STXBP6: variants seen among roughly 807,000 people sequenced by gnomAD.
The protein encoded by STXBP6 is syntaxin binding protein 6.
In STXBP6, 21 loss-of-function variants were observed where a neutral mutation model predicts 26.9. That is an observed-to-expected ratio of 0.78 (90% CI 0.55 to 1.12). The LOEUF (loss-of-function observed/expected upper bound fraction) is 1.12, where lower values mean the gene tolerates loss of function less well. STXBP6 is among the 50% of genes most tolerant of loss of function. STXBP6 has a pLI of 0.00. For synonymous variants in STXBP6, 97 were observed against 92.6 expected, an observed-to-expected ratio of 1.05 and a Z score of -0.27; for missense variants, 232 against 257.9, an observed-to-expected ratio of 0.90 and a Z score of 0.69.
At chr14:24,846,408 C>T (rs1429468659) in intron 4 of STXBP6, among the ~76,000 whole-genome samples, 1 of 152,140 alleles carries the variant, frequency 6.6e-6, no homozygotes, top group Non-Finnish European at 1.5e-5. Context: ...ACACGTTATG[C>T]CTTTGAGATC....
intron 1 of STXBP6, among the ~76,000 whole-genome samples, chr14:25,039,439 G>A (rs180725368): frequency 1.3e-5 from 2 of 152,114 alleles, no homozygotes; most frequent in Non-Finnish European, 2.9e-5. Flanking sequence ...CTCTCATTCT[G>A]TCTTCAGCTG....
At chr14:25,042,316 C>A (rs1358971417) in intron 1 of STXBP6, among the ~76,000 whole-genome samples, 4 of 152,158 alleles carry the variant, frequency 2.6e-5, no homozygotes, top group Non-Finnish European at 5.9e-5. Context: ...AGAAGGCAAG[C>A]CAGCCGGGAT....
At chr14:24,865,766 T>G in intron 2 of STXBP6, among the ~76,000 whole-genome samples, 1 of 152,068 alleles carries the variant, frequency 6.6e-6, no homozygotes. Flanking sequence ...GTACAACAAA[T>G]GTGGTATGAA....
chr14:25,046,503 C>T (rs1377149400), intron 1 of STXBP6, among the ~76,000 whole-genome samples: 3 of 152,082 alleles, frequency 2.0e-5, no homozygotes, highest in Non-Finnish European at 4.4e-5. Flanking sequence ...CACAAATGGA[C>T]AGCTGAGATA....
intron 4 of STXBP6, among the ~76,000 whole-genome samples, chr14:24,844,306 C>T (rs1469373565): frequency 6.6e-6 from 1 of 152,144 alleles, no homozygotes; most frequent in Non-Finnish European, 1.5e-5. Context: ...TACACCTGTA[C>T]ATGTAAGTAA....
In STXBP6 at chr14:24,849,820, C is replaced by T. The variant is rs80152284; in HGVS notation, c.451+6116G>A. 5.6e-3 allele frequency among the ~76,000 whole-genome samples: 853 copies of T among 152,238 alleles called. 22 individuals carry two copies. In the East Asian group the frequency reaches 0.067, roughly 12 times the overall value. ...ATGGTGGTGTTAATACAACTTATCTCTGTGAATTATAATCTCTAATATGTG... is the reference window on the plus strand; with the variant it reads ...ATGGTGGTGTTAATACAACTTATCTTTGTGAATTATAATCTCTAATATGTG... On this transcript the variant is annotated intron_variant, in intron 4 of 5. Transcript: ENST00000323944.
At chr14:24,930,290 T>C (rs903689133) in intron 2 of STXBP6, among the ~76,000 whole-genome samples, 2 of 152,260 alleles carry the variant, frequency 1.3e-5, no homozygotes, top group African/African-American at 4.8e-5. Flanking sequence ...TATTTGTCCA[T>C]TGAACTTTTA....
intron 2 of STXBP6, among the ~76,000 whole-genome samples, chr14:24,952,300 T>C (rs1653094902): frequency 6.7e-6 from 1 of 149,958 alleles, no homozygotes. Flanking sequence ...TCTTTATCCC[T>C]TAAAAAAAAA....
chr14:25,025,180 A>T (rs1368223991), intron 1 of STXBP6, among the ~76,000 whole-genome samples: 3 of 151,608 alleles, frequency 2.0e-5, no homozygotes, highest in South Asian at 2.1e-4. Context: ...TTTTTTTTTT[A>T]ATTTAAATCT....
intron 2 of STXBP6, among the ~76,000 whole-genome samples, chr14:24,899,553 G>T (rs1322054924): frequency 6.6e-6 from 1 of 151,980 alleles, no homozygotes; most frequent in Admixed American, 6.6e-5. Context: ...GGCTGAGGTG[G>T]GTGGATCACC....
At chr14:24,938,886 C>T (rs17109336) in intron 2 of STXBP6, among the ~76,000 whole-genome samples, 6,706 of 152,074 alleles carry the variant, frequency 0.044, 463 homozygotes, top group African/African-American at 0.15. Context: ...TCTATTAAAC[C>T]ATTGTGGCAG....
At chr14:24,845,123 T>G (rs777608193) in intron 4 of STXBP6, among the ~76,000 whole-genome samples, 10 of 151,908 alleles carry the variant, frequency 6.6e-5, no homozygotes, top group Non-Finnish European at 8.8e-5. Flanking sequence ...GCGATTCTCC[T>G]GCCTCAGCCT....
intron 2 of STXBP6, among the ~76,000 whole-genome samples, chr14:24,872,279 T>C (rs1375394727): frequency 6.6e-6 from 1 of 152,184 alleles, no homozygotes; most frequent in Non-Finnish European, 1.5e-5. Flanking sequence ...AAGACAAATG[T>C]ATTTGTGCCT....
chr14:25,048,447 G>A (rs1030019593), intron 1 of STXBP6, among the ~76,000 whole-genome samples: 1 of 152,188 alleles, frequency 6.6e-6, no homozygotes, highest in African/African-American at 2.4e-5. Flanking sequence ...GAACTGTGTA[G>A]TGTATCCACA....
At chr14:24,974,151 C>A (rs1250527114) in intron 2 of STXBP6, among the ~76,000 whole-genome samples, 2 of 152,012 alleles carry the variant, frequency 1.3e-5, no homozygotes, top group Admixed American at 1.3e-4. Context: ...GATGCCTCTT[C>A]TTGACAAGGC....
At chr14:24,856,532 G>A (rs185933237) in intron 3 of STXBP6, among the ~76,000 whole-genome samples, 299 of 152,094 alleles carry the variant, frequency 2.0e-3, no homozygotes, top group South Asian at 4.4e-3. Flanking sequence ...AGCATTTTGT[G>A]AGGTGTGCAT....
intron 1 of STXBP6, among the ~76,000 whole-genome samples, chr14:25,011,838 T>A (rs2075039233): frequency 6.6e-6 from 1 of 152,178 alleles, no homozygotes; most frequent in South Asian, 2.1e-4. Flanking sequence ...GTGGAAAACA[T>A]ATGAGCCATT....
chr14:24,895,025 G>T (rs560423678), intron 2 of STXBP6, among the ~76,000 whole-genome samples: 14 of 151,964 alleles, frequency 9.2e-5, no homozygotes, highest in South Asian at 2.1e-4. Flanking sequence ...TCTAAAATGA[G>T]ATTTTTTTCT....
rs4981562 is a variant in STXBP6, at chr14:24,899,812, A to G, written c.155-42655T>C. Among the ~76,000 whole-genome samples the G allele has an allele frequency of 8.7e-3, 1,256 of 144,648 alleles. 9 individuals are homozygous for G. Among genetic ancestry groups the G allele is most frequent in the African/African-American group, 0.022 (780 of 36,262 alleles). 94.9% of individuals were successfully genotyped at this position (144,648 alleles called of 152,430 possible). On this transcript the variant is annotated intron_variant, in intron 2 of 5. Coordinates refer to ENST00000323944, the MANE Select transcript of STXBP6 (RefSeq NM_001394410.1). ...AAAAAAAAAAAAAGCAAAAAAAAAA[A>G]AAAAGAGTAACTTACTCAGATATCA...
Sources: gnomAD v4.1 joint callset for allele counts (sites outside exome capture counted in the v4.1 genomes callset) on GRCh38, gnomAD v4.1.1 for gene constraint, MANE v1.5 for transcripts, NCBI Gene and HGNC (gene_info 2026-07-23, HGNC 2026-07-21) for gene names.